The following RUNX1 variants were observed in gnomAD, a reference collection of about 807,000 sequenced individuals.
The protein encoded by RUNX1 is RUNX family transcription factor 1, also known as runt-related transcription factor 1.
In RUNX1, 19 loss-of-function variants were observed where a neutral mutation model predicts 42.8. The ratio of observed to expected loss-of-function variants is 0.44; its 90% CI spans 0.31 to 0.65. The LOEUF is 0.65. Among genes scored for constraint, RUNX1 ranks in the 30% least tolerant of loss-of-function variants. RUNX1 has a pLI of 0.07. For synonymous variants in RUNX1, 271 were observed against 289.4 expected (o/e 0.94, Z 0.64); for missense variants, 528 against 672.0 (o/e 0.79, Z 2.37).
At chr21:34,881,663 A>G (rs1398193418) in intron 4 of RUNX1, among the ~76,000 whole-genome samples, 2 of 152,206 alleles carry the variant, frequency 1.3e-5, no homozygotes, top group Non-Finnish European at 2.9e-5. Flanking sequence ...AATGTAACTG[A>G]GTAAGTATGA....
intron 2 of RUNX1, among the ~76,000 whole-genome samples, chr21:34,990,620 G>A (rs140602316): frequency 8.8e-4 from 134 of 151,936 alleles, no homozygotes; most frequent in African/African-American, 3.1e-3. Flanking sequence ...TTCCATTAAC[G>A]GATATAATGT....
intron 6 of RUNX1, among the ~76,000 whole-genome samples, chr21:34,838,958 A>G (rs977705101): frequency 2.0e-4 from 31 of 151,852 alleles, no homozygotes; most frequent in African/African-American, 7.3e-4. Flanking sequence ...ATGTCAGTAT[A>G]CATTCTAATT....
chr21:35,042,967 T>C (rs1344649234), intron 2 of RUNX1, among the ~76,000 whole-genome samples: 1 of 152,222 alleles, frequency 6.6e-6, no homozygotes, highest in South Asian at 2.1e-4. Flanking sequence ...TATTGCAAGA[T>C]GAGGGAGGGA....
At chr21:34,887,282 G>A (rs2058012447) in intron 3 of RUNX1, 186 bp from the exon 4 acceptor site, 1 of 1,445,180 alleles carries the variant, frequency 6.9e-7, no homozygotes, top group Non-Finnish European at 9.1e-7. Flanking sequence ...GGGAGACTAA[G>A]TTACTAACAG....
chr21:34,979,883 T>C (rs2058833627), intron 2 of RUNX1, among the ~76,000 whole-genome samples: 1 of 151,720 alleles, frequency 6.6e-6, no homozygotes. Flanking sequence ...GAGTGAGGAG[T>C]GCTGGGTCTG....
At chr21:35,018,658 C>T (rs549545673) in intron 2 of RUNX1, among the ~76,000 whole-genome samples, 5 of 152,280 alleles carry the variant, frequency 3.3e-5, no homozygotes, top group African/African-American at 7.2e-5. Context: ...TCTGGACATA[C>T]GCAGCCCCTC....
At chr21:34,994,602 G>C (rs938657697) in intron 2 of RUNX1, among the ~76,000 whole-genome samples, 4 of 152,056 alleles carry the variant, frequency 2.6e-5, no homozygotes, top group African/African-American at 7.2e-5. Flanking sequence ...CACCTGCTAT[G>C]CGTATACACC....
At chr21:35,042,883 A>T (rs1294629497) in intron 2 of RUNX1, among the ~76,000 whole-genome samples, 1 of 152,218 alleles carries the variant, frequency 6.6e-6, no homozygotes, top group Non-Finnish European at 1.5e-5. Flanking sequence ...AATAAAATAC[A>T]TAATTTCCGT....
At chr21:34,918,105 G>C (rs1022918002) in intron 2 of RUNX1, among the ~76,000 whole-genome samples, 2 of 138,986 alleles carry the variant, frequency 1.4e-5, no homozygotes, top group Non-Finnish European at 3.0e-5. Flanking sequence ...TCCAGCCTGG[G>C]TGACAGGGTG....
intron 2 of RUNX1, among the ~76,000 whole-genome samples, chr21:35,028,499 G>T (rs73900782): frequency 0.017 from 2,619 of 152,150 alleles, 84 homozygotes; most frequent in African/African-American, 0.06. Context: ...CCCAGCCCTG[G>T]AATAAAATGA....
intron 5 of RUNX1, among the ~76,000 whole-genome samples, chr21:34,870,642 C>T (rs1357957987): frequency 6.6e-6 from 1 of 152,212 alleles, no homozygotes; most frequent in Non-Finnish European, 1.5e-5. Context: ...ACGTGCTGAC[C>T]ACTAGGCTGT....
At chr21:35,037,063 G>T (rs902410700) in intron 2 of RUNX1, among the ~76,000 whole-genome samples, 1 of 152,190 alleles carries the variant, frequency 6.6e-6, no homozygotes, top group Admixed American at 6.5e-5. Flanking sequence ...GCGCTCTCAA[G>T]CCCATGTAAA....
At chr21:34,798,161 CT>C (rs1178238299) in intron 8 of RUNX1, 11 of 456,418 alleles carry the variant, frequency 2.4e-5, no homozygotes, top group East Asian at 6.9e-5. Flanking sequence ...TGCCTGCCCC[CT>C]AATCTGCTAT....
chr21:34,982,300 A>T (rs1363680561), intron 2 of RUNX1, among the ~76,000 whole-genome samples: 1 of 152,182 alleles, frequency 6.6e-6, no homozygotes, highest in African/African-American at 2.4e-5. Context: ...TACCATTTAC[A>T]TCATTCATTA....
At chr21:35,004,120 A>C (rs2059066858) in intron 2 of RUNX1, among the ~76,000 whole-genome samples, 1 of 152,228 alleles carries the variant, frequency 6.6e-6, no homozygotes, top group African/African-American at 2.4e-5. Context: ...TGTTCTAGAC[A>C]TGGTCCAGTC....
chr21:34,927,704 T>C (rs1198832004), intron 2 of RUNX1, among the ~76,000 whole-genome samples: 1 of 152,216 alleles, frequency 6.6e-6, no homozygotes, highest in Admixed American at 6.5e-5. Flanking sequence ...ACATTAATGG[T>C]ACTGTTAGTA....
chr21:35,022,850 G>A (rs913836518), intron 2 of RUNX1, among the ~76,000 whole-genome samples: 6 of 150,586 alleles, frequency 4.0e-5, no homozygotes, highest in Non-Finnish European at 5.9e-5. Flanking sequence ...AGCCGAGATC[G>A]CGCCAGTGCA....
chr21:34,814,226 A>T (rs1225545583), intron 7 of RUNX1, among the ~76,000 whole-genome samples: 2 of 152,150 alleles, frequency 1.3e-5, no homozygotes, highest in African/African-American at 2.4e-5. Flanking sequence ...CTCAAATAAA[A>T]GTTGGTGTCT....
chr21:34,983,352 G>A (rs2058861489), intron 2 of RUNX1, among the ~76,000 whole-genome samples: 1 of 151,988 alleles, frequency 6.6e-6, no homozygotes, highest in Non-Finnish European at 1.5e-5. Context: ...TACAAATGAG[G>A]GTAGAAGAAA....
Sources: gnomAD v4.1 joint callset for allele counts (sites outside exome capture counted in the v4.1 genomes callset) on GRCh38, gnomAD v4.1.1 for gene constraint, MANE v1.5 for transcripts, NCBI Gene and HGNC (gene_info 2026-07-23, HGNC 2026-07-21) for gene names.